Variants in FMO3 observed in about 807,000 individuals in gnomAD.
The protein encoded by FMO3 is flavin-containing monooxygenase 3.
FMO3 carries 40 observed loss-of-function variants against 39.4 expected under a neutral mutation model. The observed-to-expected ratio is 1.02, with a 90% CI of 0.79 to 1.32. The LOEUF is 1.32. Ranked by LOEUF, FMO3 falls within the 40% of genes most tolerant of loss-of-function variation. The probability of loss-of-function intolerance (pLI) is 0.00; values close to 1 mark genes in which losing one functional copy is unlikely to be tolerated. For synonymous variants in FMO3, 219 were observed against 228.8 expected (o/e 0.96, Z 0.39); for missense variants, 680 against 651.8 (o/e 1.04, Z -0.47).
chr1:171,113,152 C>T (rs905174810), intron 6 of FMO3, among the ~76,000 whole-genome samples: 2 of 151,962 alleles, frequency 1.3e-5, no homozygotes, highest in Non-Finnish European at 1.5e-5. Context: ...ACAGCTCCCA[C>T]AGCCATACAA....
chr1:171,094,604 A>G (rs1295452918), intron 2 of FMO3, among the ~76,000 whole-genome samples: 1 of 151,640 alleles, frequency 6.6e-6, no homozygotes, highest in African/African-American at 2.4e-5. Flanking sequence ...ATCTCTCTTG[A>G]GTTCATTTTT....
At position 171,114,058 on chromosome 1, in the gene FMO3, G is replaced by A. The variant is rs1464685658; in HGVS notation, c.879G>A (p.Leu293=). 1 of 1,613,226 alleles carries A rather than the reference G, an allele frequency of 6.2e-7. No homozygotes were observed. Among genetic ancestry groups the A allele is most frequent in the Non-Finnish European group, 8.5e-7 (1 of 1,179,398 alleles). Residue 293 remains leucine, a synonymous_variant, in exon 7 of 9, where the codon CTG becomes CTA. Coordinates refer to ENST00000367755, the MANE Select transcript of FMO3 (RefSeq NM_001002294.3). ...VFNDELPASI[L]CGIVSVKPNV... Reference sequence around the variant, plus strand: ...ACGATGAGCTCCCAGCAAGCATTCTGTGTGGCATTGTGTCCGTAAAGCCTA... The same window carrying A: ...ACGATGAGCTCCCAGCAAGCATTCTATGTGGCATTGTGTCCGTAAAGCCTA...
intron 2 of FMO3, among the ~76,000 whole-genome samples, chr1:171,097,318 G>T (rs1248516946): frequency 1.8e-5 from 2 of 111,194 alleles, no homozygotes; most frequent in East Asian, 2.2e-4. Flanking sequence ...TAATGGGATG[G>T]CTGGGTCAAA....
chr1:171,114,092 G>T lies in FMO3; in HGVS notation c.913G>T (p.Glu305Ter), dbSNP rs61753344. 1,172 of 1,613,774 alleles carry T rather than the reference G, an allele frequency of 7.3e-4. No individual in the cohort carries two copies. Among genetic ancestry groups the T allele is most frequent in the Non-Finnish European group, 9.0e-4 (1,066 of 1,179,770 alleles). ...GIVSVKPNVK[E>*]FTETSAIFED... ...TGTGTCCGTAAAGCCTAACGTGAAGGAATTCACAGAGACCTCGGCCATTTT... is the reference window on the plus strand; with the variant it reads ...TGTGTCCGTAAAGCCTAACGTGAAGTAATTCACAGAGACCTCGGCCATTTT... Residue 305 changes from glutamate (E) to a stop codon, truncating the protein, a stop_gained, in exon 7 of 9, where the codon GAA (glutamate) becomes TAA (stop). Coordinates refer to ENST00000367755, the MANE Select transcript of FMO3 (RefSeq NM_001002294.3). LOFTEE classifies it high-confidence loss of function.
chr1:171,114,896 G>A (rs1656074025), intron 7 of FMO3, among the ~76,000 whole-genome samples: 1 of 152,192 alleles, frequency 6.6e-6, no homozygotes, highest in East Asian at 1.9e-4. Context: ...AGAACAAACA[G>A]TGGATCAATA....
chr1:171,096,058 T>TACA (rs1557933200), intron 2 of FMO3, among the ~76,000 whole-genome samples: 2 of 52,372 alleles, frequency 3.8e-5, no homozygotes, highest in African/African-American at 2.8e-4. Context: ...AAATATATAA[T>TACA]ATATATTATA....
Position 171,092,743 on chromosome 1 carries a change from A to C in FMO3, c.85A>C (p.Thr29Pro), listed in dbSNP as rs1571195658. 3.1e-6 allele frequency: 5 copies of C among 1,614,080 alleles called. No individual in the cohort carries two copies. The highest frequency in any genetic ancestry group is 4.2e-6 in the Non-Finnish European group (5 of 1,180,004). Residue 29 changes from threonine (T) to proline (P), a missense_variant, in exon 2 of 9, where the codon ACC becomes CCC. Transcript: ENST00000367755. ...CTGTCTGGAAGAGGGGCTGGAGCCC[A>C]CCTGCTTTGAGAAGAGCAATGACAT... ...RSCLEEGLEP[T>P]CFEKSNDIGG...
chr1:171,096,341 AT>A (rs1381549188), intron 2 of FMO3, among the ~76,000 whole-genome samples: 3 of 93,120 alleles, frequency 3.2e-5, no homozygotes, highest in African/African-American at 9.4e-5. Flanking sequence ...AAATATATAA[AT>A]ATATATAAAT....
Position 171,103,768 on chromosome 1 carries a change from A to G in FMO3, c.133-17A>G. 4 of 1,604,024 alleles carry G rather than the reference A, an allele frequency of 2.5e-6. No homozygotes were observed. The highest frequency in any genetic ancestry group is 3.4e-6 in the Non-Finnish European group (4 of 1,170,984). ...TCATTTACCAATTCGCTTCCATTTG[A>G]TACTATACATTCACAGGACCATGCA... On this transcript the variant is annotated splice_polypyrimidine_tract_variant and intron_variant, in intron 2 of 8. Transcript: ENST00000367755.
chr1:171,096,672 T>TAATATAA (rs1283529984), intron 2 of FMO3, among the ~76,000 whole-genome samples: 2 of 116,802 alleles, frequency 1.7e-5, no homozygotes, highest in East Asian at 5.0e-4. Flanking sequence ...AAATATATAT[T>TAATATAA]TTATATTTAA....
rs28363561 is a variant in FMO3 at position 171,110,138 on chromosome 1, A to T, written c.628-660A>T. ...GGAACAAGATTAGAGAAGTTAAAGG[A>T]ATTTTTTCAAATCACATCATTAATA... On this transcript the variant is annotated intron_variant, in intron 5 of 8. Coordinates refer to ENST00000367755, the MANE Select transcript of FMO3 (RefSeq NM_001002294.3). 1.0e-3 allele frequency among the ~76,000 whole-genome samples: 158 copies of T among 152,252 alleles called. 1 individual carries two copies. The highest frequency in any genetic ancestry group is 3.6e-3 in the African/African-American group (150 of 41,546).
intron 2 of FMO3, among the ~76,000 whole-genome samples, chr1:171,097,496 G>A (rs1655163285): frequency 7.9e-6 from 1 of 126,570 alleles, no homozygotes; most frequent in South Asian, 2.8e-4. Context: ...ACTGGTGTGA[G>A]ATGATATCTC....
In FMO3 at chr1:171,110,804, A is replaced by C. The variant is rs992958391; in HGVS notation, c.634A>C (p.Ile212Leu). The change falls in exon 6 of 9, where the codon ATC becomes CTC. Residue 212 changes from isoleucine to leucine, a missense_variant. Coordinates refer to ENST00000367755, the MANE Select transcript of FMO3 (RefSeq NM_001002294.3). Reference sequence around the variant, plus strand: ...TGAATTGGTGTTTTTTAAGGTCATGATCAGTTCCAGAAGTGGCTCCTGGGT... The same window carrying C: ...TGAATTGGTGTTTTTTAAGGTCATGCTCAGTTCCAGAAGTGGCTCCTGGGT... ...ELSRTAEQVM[I>L]SSRSGSWVMS... 6 of 1,613,772 alleles carry C rather than the reference A, an allele frequency of 3.7e-6. No individual in the cohort carries two copies. The highest frequency in any genetic ancestry group is 5.1e-6 in the Non-Finnish European group (6 of 1,179,870).
intron 3 of FMO3, 30 bp downstream of exon 3, chr1:171,104,003 T>C: frequency 6.6e-7 from 1 of 1,506,084 alleles, no homozygotes; most frequent in Non-Finnish European, 9.2e-7. Context: ...TTAGCTCTTG[T>C]CATAATGCTG....
chr1:171,094,929 G>A (rs1654882761), intron 2 of FMO3, among the ~76,000 whole-genome samples: 1 of 151,976 alleles, frequency 6.6e-6, no homozygotes, highest in Non-Finnish European at 1.5e-5. Flanking sequence ...GGGCTTTTTT[G>A]GTTCCATATG....
At chr1:171,097,875 G>A (rs1362959469) in intron 2 of FMO3, among the ~76,000 whole-genome samples, 1 of 152,142 alleles carries the variant, frequency 6.6e-6, no homozygotes, top group Non-Finnish European at 1.5e-5. Context: ...CCGTGCCTAT[G>A]TCCTGAATGG....
intron 2 of FMO3, among the ~76,000 whole-genome samples, chr1:171,093,357 G>GT (rs1654802629): frequency 6.6e-6 from 1 of 151,726 alleles, no homozygotes; most frequent in South Asian, 2.1e-4. Flanking sequence ...GCTCCCAATC[G>GT]TAAGTGAGAG....
In FMO3 at chr1:171,117,215, G is replaced by A. The variant is rs1175852859; in HGVS notation, c.1372G>A (p.Ala458Thr). The A allele has an allele frequency of 1.2e-6, 2 of 1,614,126 alleles. No individual in the cohort carries two copies. Among genetic ancestry groups the A allele is most frequent in the South Asian group, 1.1e-5 (1 of 91,080 alleles). Reference sequence around the variant, plus strand: ...GCTGTTTCTCACAGATCCCAAATTGGCCATGGAAGTTTATTTTGGCCCTTG... The same window carrying A: ...GCTGTTTCTCACAGATCCCAAATTGACCATGGAAGTTTATTTTGGCCCTTG... Reference protein sequence around the residue: ...PWLFLTDPKLAMEVYFGPCSP... With the variant: ...PWLFLTDPKLTMEVYFGPCSP... Residue 458 changes from alanine (A) to threonine (T), a missense_variant, in exon 9 of 9, where the codon GCC becomes ACC. By Grantham distance (58) the Ala-to-Thr change is moderately conservative. Coordinates refer to ENST00000367755, the MANE Select transcript of FMO3 (RefSeq NM_001002294.3).
intron 2 of FMO3, among the ~76,000 whole-genome samples, chr1:171,096,285 TA>T (rs1557933851): frequency 1.7e-4 from 10 of 59,836 alleles, no homozygotes; most frequent in African/African-American, 9.5e-4. Flanking sequence ...TTATATATAT[TA>T]TATATCTATT....
Sources: allele counts gnomAD v4.1 joint callset (sites outside exome capture counted in the v4.1 genomes callset), GRCh38; gene constraint gnomAD v4.1.1; transcripts MANE v1.5; gene names NCBI Gene and HGNC (gene_info 2026-07-23, HGNC 2026-07-21).